Variants in PCSK1 observed in about 807,000 individuals in gnomAD.
PCSK1 encodes the protein proprotein convertase subtilisin/kexin type 1, also known as neuroendocrine convertase 1.
Under a neutral mutation model 90.6 loss-of-function variants are expected in PCSK1, and 56 were observed. The ratio of observed to expected loss-of-function variants is 0.62; its 90% CI spans 0.50 to 0.77. The LOEUF is 0.77. Among genes scored for constraint, PCSK1 ranks in the 30% least tolerant of loss-of-function variants. PCSK1 has a pLI of 0.00. For missense variants in PCSK1, 801 were observed against 932.6 expected (o/e 0.86, Z 1.84); for synonymous variants, 348 against 342.4 (o/e 1.02, Z -0.18).
rs1760788256 is a variant in PCSK1, at chr5:96,412,499, CAAAAT to C, written c.710-14_710-10del. 4 of 1,612,728 alleles carry C rather than the reference CAAAAT, an allele frequency of 2.5e-6. No individual in the cohort carries two copies. Among genetic ancestry groups the C allele is most frequent in the Non-Finnish European group, 2.5e-6 (3 of 1,178,868 alleles). ...ATCCAGCATTCTTATGCCTGAGAAA[CAAAAT>C]AAACAAAGACACACAAAGGTTGATG... On this transcript the variant is annotated splice_polypyrimidine_tract_variant and intron_variant, in intron 6 of 13. Transcript: ENST00000311106.
At chr5:96,416,179 A>T in intron 5 of PCSK1, 58 bp from the exon 6 acceptor site, 1 of 1,157,618 alleles carries the variant, frequency 8.6e-7, no homozygotes, top group Non-Finnish European at 1.3e-6. Context: ...TTTGTTTTGC[A>T]TATGAATGAA....
chr5:96,433,180 A>C lies in PCSK1; in HGVS notation c.-138T>G. On this transcript the variant is annotated 5_prime_UTR_variant, in exon 1 of 14. Coordinates refer to ENST00000311106, the MANE Select transcript of PCSK1 (RefSeq NM_000439.5). ...GCTCCTGGTTGCTCTGCGAAGAGCT[A>C]GGAGGCGCGAGAGGAGAGGCTGGGC... 1.2e-6 allele frequency: 1 copy of C among 814,504 alleles called. No individual in the cohort carries two copies. The highest frequency in any genetic ancestry group is 2.1e-6 in the Non-Finnish European group (1 of 484,472). 50.5% of individuals were successfully genotyped at this position (814,504 alleles called of 1,614,324 possible).
At chr5:96,414,094 G>C (rs112132565) in intron 6 of PCSK1, among the ~76,000 whole-genome samples, 1 of 144,522 alleles carries the variant, frequency 6.9e-6, no homozygotes, top group African/African-American at 2.6e-5. Context: ...AGCCGAGATC[G>C]CGCCACTGCA....
intron 3 of PCSK1, among the ~76,000 whole-genome samples, chr5:96,425,021 A>C (rs1357422322): frequency 1.6e-5 from 1 of 63,484 alleles, no homozygotes; most frequent in Non-Finnish European, 3.5e-5. Context: ...AGAAAGAAAG[A>C]AAGAAAGAAA....
chr5:96,419,638 T>C (rs2112434744), intron 5 of PCSK1, among the ~76,000 whole-genome samples: 1 of 151,930 alleles, frequency 6.6e-6, no homozygotes, highest in South Asian at 2.1e-4. Context: ...TATGACATGC[T>C]CTCTCAATGC....
At position 96,390,986 on chromosome 5, in the gene PCSK1, G is replaced by A. The variant is rs1026522020; in HGVS notation, c.*2015C>T. ...ATTTATACATCTAGCACTAGATTGG[G>A]AATGGAAAAGTAATGAGTTTTCATT... On this transcript the variant is annotated 3_prime_UTR_variant, in exon 14 of 14. Transcript: ENST00000311106. 12 of 152,588 alleles carry A rather than the reference G, an allele frequency of 7.9e-5. No individual in the cohort carries two copies. Among genetic ancestry groups the A allele is most frequent in the African/African-American group, 2.9e-4 (12 of 41,434 alleles). The allele number at this position is 152,588 out of a possible 1,614,324, so 9.5% of individuals were successfully genotyped here.
At chr5:96,401,412 G>A (rs1338233530) in intron 9 of PCSK1, among the ~76,000 whole-genome samples, 1 of 152,180 alleles carries the variant, frequency 6.6e-6, no homozygotes, top group Admixed American at 6.5e-5. Flanking sequence ...GAGGAGTATT[G>A]GGCCAGAGCG....
rs944241517 is a variant in PCSK1, at chr5:96,432,073, G to C, written c.180+790C>G. 6 of 1,525,978 alleles carry C rather than the reference G, an allele frequency of 3.9e-6. No homozygotes were observed. In the African/African-American group the frequency reaches 8.2e-5, roughly 21 times the overall value. The allele number at this position is 1,525,978 out of a possible 1,614,324, so 94.5% of individuals were successfully genotyped here. On this transcript the variant is annotated intron_variant, in intron 1 of 13. Coordinates refer to ENST00000311106, the MANE Select transcript of PCSK1 (RefSeq NM_000439.5). ...AATAAGCTGAAATTCCCGGGAAAACGATTACGTACTTGGCTGAAGAACAAG... is the reference window on the plus strand; with the variant it reads ...AATAAGCTGAAATTCCCGGGAAAACCATTACGTACTTGGCTGAAGAACAAG...
intron 2 of PCSK1, among the ~76,000 whole-genome samples, chr5:96,426,592 C>T (rs1761315179): frequency 6.6e-6 from 1 of 152,102 alleles, no homozygotes; most frequent in Non-Finnish European, 1.5e-5. Context: ...AATTACCTGC[C>T]CCATATTTAC....
At chr5:96,397,611 C>A in intron 11 of PCSK1, 142 bp from the exon 12 acceptor site, 1 of 714,778 alleles carries the variant, frequency 1.4e-6, no homozygotes, top group Non-Finnish European at 2.4e-6. Flanking sequence ...GATAGAGACA[C>A]TCACAAGGAA....
intron 9 of PCSK1, among the ~76,000 whole-genome samples, chr5:96,401,561 A>G (rs531019359): frequency 6.6e-6 from 1 of 152,362 alleles, no homozygotes; most frequent in South Asian, 2.1e-4. Context: ...AAGATAAATC[A>G]GAGATATAAG....
intron 9 of PCSK1, among the ~76,000 whole-genome samples, chr5:96,402,681 CT>C (rs1760423415): frequency 6.6e-6 from 1 of 152,138 alleles, no homozygotes; most frequent in Non-Finnish European, 1.5e-5. Context: ...CAGACTCTTG[CT>C]TATGTCATAG....
intron 9 of PCSK1, among the ~76,000 whole-genome samples, chr5:96,407,143 A>C: frequency 6.6e-6 from 1 of 152,246 alleles, no homozygotes; most frequent in Non-Finnish European, 1.5e-5. Flanking sequence ...TGAGCATAAA[A>C]GCAAAGGAAG....
At chr5:96,417,156 A>G (rs1157814055) in intron 5 of PCSK1, among the ~76,000 whole-genome samples, 1 of 152,196 alleles carries the variant, frequency 6.6e-6, no homozygotes, top group East Asian at 1.9e-4. Flanking sequence ...CTATTAATTC[A>G]GCATAGCATG....
intron 2 of PCSK1, among the ~76,000 whole-genome samples, chr5:96,428,287 T>C (rs1279345743): frequency 1.3e-5 from 2 of 152,226 alleles, no homozygotes; most frequent in African/African-American, 2.4e-5. Context: ...GTTGAAAGGA[T>C]GTTTTTAATC....
chr5:96,429,810 AG>A (rs1243338040), intron 1 of PCSK1, among the ~76,000 whole-genome samples: 1 of 152,224 alleles, frequency 6.6e-6, no homozygotes, highest in Non-Finnish European at 1.5e-5. Context: ...GATGACCCTC[AG>A]AATATTATTG....
intron 2 of PCSK1, among the ~76,000 whole-genome samples, chr5:96,427,521 T>G (rs1459632757): frequency 6.6e-6 from 1 of 152,194 alleles, no homozygotes; most frequent in Admixed American, 6.5e-5. Context: ...CTTGGGCTAA[T>G]TTTTTACAAA....
intron 3 of PCSK1, among the ~76,000 whole-genome samples, chr5:96,425,021 A>G (rs1357422322): frequency 3.2e-5 from 2 of 63,484 alleles, no homozygotes; most frequent in Non-Finnish European, 7.0e-5. Flanking sequence ...AGAAAGAAAG[A>G]AAGAAAGAAA....
intron 3 of PCSK1, among the ~76,000 whole-genome samples, chr5:96,425,062 A>AAGAAAGAAAGAG (rs1761261724): frequency 2.1e-5 from 3 of 142,436 alleles, no homozygotes; most frequent in Non-Finnish European, 4.6e-5. Flanking sequence ...GAAAGAAAGA[A>AAGAAAGAAAGAG]AGAAAGAAAG....
Sources: gnomAD v4.1 joint callset for allele counts (sites outside exome capture counted in the v4.1 genomes callset) on GRCh38, gnomAD v4.1.1 for gene constraint, MANE v1.5 for transcripts, NCBI Gene and HGNC (gene_info 2026-07-23, HGNC 2026-07-21) for gene names.